Variants in ACSM5 observed in about 807,000 individuals in gnomAD.
The protein encoded by ACSM5 is acyl-CoA synthetase medium chain family member 5.
ACSM5 carries 56 observed loss-of-function variants against 71.6 expected under a neutral mutation model. That is an observed-to-expected ratio of 0.78 (90% CI 0.63 to 0.98). The LOEUF (loss-of-function observed/expected upper bound fraction) is 0.98. Among genes scored for constraint, ACSM5 ranks in the 50% least tolerant of loss-of-function variants. The probability of loss-of-function intolerance (pLI) is 0.00; values close to 1 mark genes in which losing one functional copy is unlikely to be tolerated. For missense variants in ACSM5, 723 were observed against 726.0 expected (o/e 1.00, Z 0.05); for synonymous variants, 285 against 281.5 (o/e 1.01, Z -0.12).
chr16:20,426,143 T>A (rs1481999250), intron 6 of ACSM5, among the ~76,000 whole-genome samples: 3 of 152,212 alleles, frequency 2.0e-5, no homozygotes, highest in Non-Finnish European at 4.4e-5. Flanking sequence ...TAAGCTGGTA[T>A]CACATGGTGG....
chr16:20,432,124 G>C (rs34923871), intron 10 of ACSM5, among the ~76,000 whole-genome samples: 13,085 of 151,964 alleles, frequency 0.086, 692 homozygotes, highest in East Asian at 0.19. Context: ...TTCATCTTGG[G>C]TGGTGTTTAT....
chr16:20,437,033 G>A lies in ACSM5; in HGVS notation c.1309-19G>A. The A allele has an allele frequency of 6.2e-7, 1 of 1,613,980 alleles. No individual in the cohort carries two copies. Among genetic ancestry groups the A allele is most frequent in the Non-Finnish European group, 8.5e-7 (1 of 1,179,942 alleles). On this transcript the variant is annotated intron_variant, in intron 10 of 13. Coordinates refer to ENST00000331849, the MANE Select transcript of ACSM5 (RefSeq NM_017888.3). ...AGTTGTTCCCAGAGGGTCCTTCACG[G>A]GTTGTCTTTGTCTTTCAGGACAATC...
intron 1 of ACSM5, among the ~76,000 whole-genome samples, chr16:20,409,875 GGGCGGGAGA>G (rs1264069853): frequency 2.3e-5 from 2 of 85,318 alleles, no homozygotes; most frequent in African/African-American, 9.2e-5. Context: ...GAGAGGTGAG[GGGCGGGAGA>G]GGTGAGGGGC....
At chr16:20,429,599 G>A (rs1461304670) in intron 7 of ACSM5, 79 bp from the exon 8 acceptor site, 25 of 1,589,708 alleles carry the variant, frequency 1.6e-5, no homozygotes, top group East Asian at 2.3e-5. Context: ...TGTGGTGTTT[G>A]CATCTGGGCA....
intron 4 of ACSM5, among the ~76,000 whole-genome samples, chr16:20,419,963 A>G (rs1182024823): frequency 6.6e-6 from 1 of 152,224 alleles, no homozygotes; most frequent in Non-Finnish European, 1.5e-5. Flanking sequence ...CCTTTAACCC[A>G]GTTTTACAGA....
At chr16:20,418,491 A>G (rs1256421961) in intron 3 of ACSM5, among the ~76,000 whole-genome samples, 3 of 152,180 alleles carry the variant, frequency 2.0e-5, no homozygotes, top group African/African-American at 7.2e-5. Context: ...AGTTGTGAGG[A>G]CTGCGGCAAA....
At chr16:20,431,939 C>T (rs1338974514) in intron 10 of ACSM5, among the ~76,000 whole-genome samples, 4 of 138,502 alleles carry the variant, frequency 2.9e-5, no homozygotes, top group Non-Finnish European at 3.1e-5. Flanking sequence ...AACGAGACTC[C>T]GTATCAAAAA....
intron 6 of ACSM5, among the ~76,000 whole-genome samples, chr16:20,425,934 G>C (rs1966969982): frequency 6.6e-6 from 1 of 152,062 alleles, no homozygotes; most frequent in African/African-American, 2.4e-5. Context: ...CTTTTCTTCT[G>C]GATAGATGCC....
intron 12 of ACSM5, among the ~76,000 whole-genome samples, chr16:20,438,934 G>A (rs1408940874): frequency 1.4e-4 from 20 of 142,896 alleles, no homozygotes; most frequent in Admixed American, 7.1e-5. Flanking sequence ...CAGCCTGGGC[G>A]ACAGGGTGAG....
intron 10 of ACSM5, among the ~76,000 whole-genome samples, chr16:20,431,953 A>AT (rs1199705659): frequency 2.0e-5 from 3 of 146,560 alleles, no homozygotes; most frequent in African/African-American, 7.5e-5. Context: ...TCAAAAAAAA[A>AT]AAATAATAAT....
At chr16:20,436,763 C>T (rs965770538) in intron 10 of ACSM5, among the ~76,000 whole-genome samples, 7 of 152,128 alleles carry the variant, frequency 4.6e-5, no homozygotes, top group African/African-American at 1.7e-4. Flanking sequence ...GCCCTGTGCC[C>T]ACCCTCCTGC....
chr16:20,414,131 A>G (rs1371533905), intron 2 of ACSM5, among the ~76,000 whole-genome samples: 1 of 152,232 alleles, frequency 6.6e-6, no homozygotes, highest in Non-Finnish European at 1.5e-5. Context: ...TTTACAAGAT[A>G]CGCAAAGAAA....
chr16:20,418,757 G>T (rs559697021), intron 3 of ACSM5, among the ~76,000 whole-genome samples: 1 of 152,144 alleles, frequency 6.6e-6, no homozygotes, highest in African/African-American at 2.4e-5. Flanking sequence ...TTACCCGAAC[G>T]ATGCAGTTAT....
At chr16:20,438,668 C>A (rs574257908) in intron 12 of ACSM5, among the ~76,000 whole-genome samples, 1 of 151,526 alleles carries the variant, frequency 6.6e-6, no homozygotes, top group South Asian at 2.1e-4. Flanking sequence ...AAGTGCCCAA[C>A]ACATAAGCCG....
intron 10 of ACSM5, among the ~76,000 whole-genome samples, chr16:20,433,783 C>G (rs1157833792): frequency 6.6e-6 from 1 of 151,988 alleles, no homozygotes; most frequent in Non-Finnish European, 1.5e-5. Flanking sequence ...AGCTGATCCT[C>G]CCACCTCAGC....
intron 8 of ACSM5, among the ~76,000 whole-genome samples, chr16:20,430,319 A>G (rs1967069701): frequency 6.6e-6 from 1 of 151,876 alleles, no homozygotes; most frequent in Non-Finnish European, 1.5e-5. Flanking sequence ...TGCTGAAGGC[A>G]TTGTTTGTCT....
Position 20,437,379 on chromosome 16 carries a change from A to G in ACSM5, c.1536+12A>G. On this transcript the variant is annotated intron_variant, in intron 12 of 13. Transcript: ENST00000331849. ...CCATCAGGGGAGAGGTAACCAGTGC[A>G]CCCAAGAACATGGCCTCCTGCTTCT... is the stretch of plus-strand genomic sequence containing the variant. 2 of 1,582,994 alleles carry G rather than the reference A, an allele frequency of 1.3e-6. No individual in the cohort carries two copies. Among genetic ancestry groups the G allele is most frequent in the Non-Finnish European group, 1.7e-6 (2 of 1,152,474 alleles).
At chr16:20,415,050 G>A (rs1417921481) in intron 2 of ACSM5, among the ~76,000 whole-genome samples, 1 of 152,150 alleles carries the variant, frequency 6.6e-6, no homozygotes, top group Non-Finnish European at 1.5e-5. Context: ...TAACTTATAA[G>A]GGATAAGCTT....
chr16:20,417,085 C>T (rs1966858091), intron 2 of ACSM5, among the ~76,000 whole-genome samples: 1 of 150,696 alleles, frequency 6.6e-6, no homozygotes, highest in Non-Finnish European at 1.5e-5. Context: ...TTAGAACCCT[C>T]AGACATGGCT....
Sources: allele counts gnomAD v4.1 joint callset (sites outside exome capture counted in the v4.1 genomes callset), GRCh38; gene constraint gnomAD v4.1.1; transcripts MANE v1.5; gene names NCBI Gene and HGNC (gene_info 2026-07-23, HGNC 2026-07-21).